The following GPRC6A variants were observed in gnomAD, a reference collection of about 807,000 sequenced individuals.
GPRC6A encodes the protein G protein-coupled receptor class C group 6 member A.
A neutral mutation model predicts 47.0 loss-of-function variants in GPRC6A; 54 were observed. The observed-to-expected ratio is 1.15, with a 90% CI of 0.92 to 1.44. The LOEUF is 1.44. Among genes scored for constraint, GPRC6A ranks in the 40% most tolerant of loss-of-function variants. GPRC6A has a pLI of 0.00. For synonymous variants in GPRC6A, 347 were observed against 377.1 expected, an observed-to-expected ratio of 0.92 and a Z score of 0.93; for missense variants, 1,112 against 1,105.5, an observed-to-expected ratio of 1.01 and a Z score of -0.08.
chr6:116,816,454 G>A (rs1322310410), intron 1 of GPRC6A, among the ~76,000 whole-genome samples: 1 of 152,206 alleles, frequency 6.6e-6, no homozygotes. Flanking sequence ...GCTGGTACAA[G>A]CTGAAGCTGA....
At chr6:116,810,323 T>A (rs1163567708) in intron 1 of GPRC6A, among the ~76,000 whole-genome samples, 1 of 152,188 alleles carries the variant, frequency 6.6e-6, no homozygotes, top group African/African-American at 2.4e-5. Context: ...TTTGATATTC[T>A]AGTTTCTTTT....
chr6:116,799,412 C>CA (rs1232708915), intron 4 of GPRC6A, among the ~76,000 whole-genome samples: 1 of 152,000 alleles, frequency 6.6e-6, no homozygotes, highest in African/African-American at 2.4e-5. Context: ...GCAAAGGAGA[C>CA]AGAGAATTAG....
chr6:116,808,704 T>G (rs1376265105), intron 2 of GPRC6A, among the ~76,000 whole-genome samples: 1 of 152,196 alleles, frequency 6.6e-6, no homozygotes, highest in Non-Finnish European at 1.5e-5. Context: ...GCTTCTCTTC[T>G]TCCTTAAGAT....
chr6:116,806,754 A>G lies in GPRC6A; in HGVS notation c.951T>C (p.Val317=). ...ACCCTACAACTTTGCCAATCTTTTT[A>G]ACATTAGGAATGGTGGTAATCTTGG... ...TATKITTIPN[V]KKIGKVVGFA... is the part of the protein sequence containing the mutation. The change falls in exon 3 of 6, where the codon GTT becomes GTC. Residue 317 remains valine (V), a synonymous_variant. Coordinates refer to ENST00000310357, the MANE Select transcript of GPRC6A (RefSeq NM_148963.4). The G allele has an allele frequency of 6.2e-7, 1 of 1,613,698 alleles. No individual in the cohort carries two copies. The highest frequency in any genetic ancestry group is 8.5e-7 in the Non-Finnish European group (1 of 1,179,746).
intron 1 of GPRC6A, among the ~76,000 whole-genome samples, chr6:116,820,856 C>A (rs1033822612): frequency 1.4e-4 from 21 of 149,128 alleles, no homozygotes; most frequent in Non-Finnish European, 2.9e-4. Flanking sequence ...AAGTTCTGGC[C>A]AGGGCAATTA....
intron 1 of GPRC6A, among the ~76,000 whole-genome samples, chr6:116,812,842 T>G (rs1440034373): frequency 6.6e-6 from 1 of 152,194 alleles, no homozygotes; most frequent in Admixed American, 6.5e-5. Context: ...ATGACATGAC[T>G]GTATGTTTAG....
In GPRC6A at chr6:116,792,240, T is replaced by C. The variant is rs372652233; in HGVS notation, c.2683A>G (p.Ser895Gly). 1 of 1,614,054 alleles carries C rather than the reference T, an allele frequency of 6.2e-7. No individual in the cohort carries two copies. ...AATGCTTGTGCCTGAAGATCTTTGC[T>C]TTTCTGCCAGGTTGCAGACTTGCCA... ...SSGKSATWQK[S>G]KDLQAQAFAH... is the part of the protein sequence containing the mutation. Residue 895 changes from serine (S) to glycine (G), a missense_variant, in exon 6 of 6, where the codon AGC becomes GGC. Ser to Gly is a moderately conservative substitution (Grantham distance 56). Transcript: ENST00000310357.
intron 1 of GPRC6A, among the ~76,000 whole-genome samples, chr6:116,815,442 C>T (rs1197038807): frequency 6.6e-6 from 1 of 152,156 alleles, no homozygotes; most frequent in African/African-American, 2.4e-5. Flanking sequence ...AAGATTGCAC[C>T]ACTGCACTCC....
chr6:116,813,287 C>T (rs910989304), intron 1 of GPRC6A, among the ~76,000 whole-genome samples: 31 of 152,118 alleles, frequency 2.0e-4, no homozygotes, highest in Non-Finnish European at 3.8e-4. Context: ...CAAAAAAGAG[C>T]CCACATTGCC....
Position 116,810,943 on chromosome 6 carries a change from G to T in GPRC6A, c.195-1326C>A, listed in dbSNP as rs150728282. ...GAACCCAAGAAATCACCAACCTGCT[G>T]GTTCCATGGCTTCCACTATCAGTAT... On this transcript the variant is annotated intron_variant, in intron 1 of 5. Coordinates refer to ENST00000310357, the MANE Select transcript of GPRC6A (RefSeq NM_148963.4). 1.1e-4 allele frequency among the ~76,000 whole-genome samples: 16 copies of T among 152,160 alleles called. No homozygotes were observed. The East Asian group carries it at 2.1e-3, about 20-fold the overall frequency.
intron 1 of GPRC6A, among the ~76,000 whole-genome samples, chr6:116,819,898 CA>C (rs373685109): frequency 6.0e-5 from 9 of 148,840 alleles, no homozygotes; most frequent in African/African-American, 2.0e-4. Context: ...AAAAACCCTT[CA>C]AAAAATTAAT....
rs1773490254 is a variant in GPRC6A, at chr6:116,821,762, A to T, written c.194+7058T>A. Among the ~76,000 whole-genome samples the T allele has an allele frequency of 2.0e-5, 3 of 152,008 alleles. No individual in the cohort carries two copies. In the South Asian group the frequency reaches 6.2e-4, roughly 32 times the overall value. On this transcript the variant is annotated intron_variant, in intron 1 of 5. Coordinates refer to ENST00000310357, the MANE Select transcript of GPRC6A (RefSeq NM_148963.4). Reference sequence around the variant, plus strand: ...GACCTAAAACCATAAAAACCCTAGAAGAAAACCTAGGCATTACCATTCAGG... The same window carrying T: ...GACCTAAAACCATAAAAACCCTAGATGAAAACCTAGGCATTACCATTCAGG...
intron 4 of GPRC6A, 124 bp from the exon 5 acceptor site, chr6:116,795,959 T>C: frequency 1.7e-6 from 1 of 580,942 alleles, no homozygotes. Context: ...TTTCATAGGA[T>C]TATAGAATCT....
rs760709546 is a variant in GPRC6A at position 116,809,514 on chromosome 6, A to T, written c.298T>A (p.Tyr100Asn). The T allele has an allele frequency of 1.9e-6, 3 of 1,613,564 alleles. No individual in the cohort carries two copies. In the South Asian group the frequency reaches 3.3e-5, roughly 18 times the overall value. ...LPGVKLGYEI[Y>N]DTCTEVTVAM... is the part of the protein sequence containing the mutation. The stretch of plus-strand genomic sequence containing the variant: ...ACTGTGACTTCTGTACAAGTGTCAT[A>T]GATTTCATACCCCAGTTTGACTCCA... The change falls in exon 2 of 6, where the codon TAT (tyrosine) becomes AAT (asparagine). Residue 100 changes from tyrosine to asparagine, a missense_variant. Transcript: ENST00000310357.
intron 4 of GPRC6A, among the ~76,000 whole-genome samples, chr6:116,798,361 T>C (rs930519904): frequency 1.6e-4 from 25 of 152,018 alleles, no homozygotes; most frequent in African/African-American, 6.0e-4. Context: ...AGGGGCAAAG[T>C]CCTTGGGCTA....
intron 1 of GPRC6A, among the ~76,000 whole-genome samples, chr6:116,821,514 A>G (rs1773478335): frequency 1.3e-5 from 2 of 152,176 alleles, no homozygotes; most frequent in Admixed American, 6.5e-5. Flanking sequence ...AAACAGAGAT[A>G]TAGATCAATG....
chr6:116,807,031 A>G lies in GPRC6A; in HGVS notation c.674T>C (p.Leu225Pro), dbSNP rs1382325760. 2 of 1,613,816 alleles carry G rather than the reference A, an allele frequency of 1.2e-6. No individual in the cohort carries two copies. Among genetic ancestry groups the G allele is most frequent in the Admixed American group, 1.7e-5 (1 of 59,942 alleles). ...TTCAGCCTGAATTATAAAAGTGTTA[A>G]GAGCCAATCGTCCATAGTCATCATC... Reference protein sequence around the residue: ...TTDDDYGRLALNTFIIQAEAN... With the variant: ...TTDDDYGRLAPNTFIIQAEAN... Residue 225 changes from leucine to proline, a missense_variant, in exon 3 of 6, where the codon CTT becomes CCT. Transcript: ENST00000310357.
chr6:116,818,796 C>A (rs1257546786), intron 1 of GPRC6A, among the ~76,000 whole-genome samples: 1 of 151,328 alleles, frequency 6.6e-6, no homozygotes, highest in Non-Finnish European at 1.5e-5. Context: ...GAAACTGCAT[C>A]AACTAACGAA....
rs755894078 is a variant in GPRC6A at position 116,792,379 on chromosome 6, G to A, written c.2544C>T (p.Ala848=). 6.2e-7 allele frequency: 1 copy of A among 1,614,008 alleles called. No homozygotes were observed. Among genetic ancestry groups the A allele is most frequent in the South Asian group, 1.1e-5 (1 of 91,080 alleles). ...ICKQEINTKS[A]FLKMIYSYSS... ...AATAACTGTAGATCATCTTGAGAAA[G>A]GCAGACTTTGTGTTAATCTCTTGCT... The change falls in exon 6 of 6, where the codon GCC becomes GCT. Residue 848 remains alanine, a synonymous_variant. Coordinates refer to ENST00000310357, the MANE Select transcript of GPRC6A (RefSeq NM_148963.4).
Sources: allele counts gnomAD v4.1 joint callset (sites outside exome capture counted in the v4.1 genomes callset), GRCh38; gene constraint gnomAD v4.1.1; transcripts MANE v1.5; gene names NCBI Gene and HGNC (gene_info 2026-07-23, HGNC 2026-07-21).